The following RABL3 variants were observed in gnomAD, a reference collection of about 807,000 sequenced individuals.
RABL3 encodes rab-like protein 3.
Under a neutral mutation model 31.8 loss-of-function variants are expected in RABL3, and 31 were observed. The ratio of observed to expected loss-of-function variants is 0.97; its 90% CI spans 0.73 to 1.31. RABL3 has a LOEUF of 1.31. RABL3 is among the 40% of genes most tolerant of loss of function. The pLI, the probability that RABL3 is intolerant of heterozygous loss-of-function variation, is 0.00. For synonymous variants in RABL3, 97 were observed against 99.9 expected, an observed-to-expected ratio of 0.97 and a Z score of 0.18; for missense variants, 263 against 279.6, an observed-to-expected ratio of 0.94 and a Z score of 0.42.
At chr3:120,694,124 T>C (rs1207771559) in intron 6 of RABL3, 29 bp downstream of exon 6, 2 of 1,464,212 alleles carry the variant, frequency 1.4e-6, no homozygotes. Context: ...ATAAATTAAG[T>C]TTAAAAATAA....
At position 120,686,409 on chromosome 3, in the gene RABL3, A is replaced by C. The variant is rs1708307701; in HGVS notation, c.*3414T>G. On this transcript the variant is annotated 3_prime_UTR_variant, in exon 8 of 8. Transcript: ENST00000273375. ...ATGAGGACTCAGAAACTCTGATTAC[A>C]AGGAGCAATTAGGAGCTCTTCACCT... 6.6e-6 allele frequency among the ~76,000 whole-genome samples: 1 copy of C among 152,206 alleles called. No individual in the cohort carries two copies. The highest frequency in any genetic ancestry group is 1.5e-5 in the Non-Finnish European group (1 of 68,046).
intron 3 of RABL3, among the ~76,000 whole-genome samples, chr3:120,709,218 T>G (rs2107582518): frequency 6.6e-6 from 1 of 152,200 alleles, no homozygotes; most frequent in Non-Finnish European, 1.5e-5. Context: ...GTAGGTACTC[T>G]ATGAAAGGAA....
In RABL3 at chr3:120,690,551, G is replaced by T; in HGVS notation, c.607-64C>A. ...CCTGCAAAAAGTGGCTAACTGCAAC[G>T]ACCACTAATGGTACTAAAAGGAATA... On this transcript the variant is annotated intron_variant, in intron 6 of 7. Transcript: ENST00000273375. 4 of 1,070,738 alleles carry T rather than the reference G, an allele frequency of 3.7e-6. No homozygotes were observed. In the South Asian group the frequency reaches 5.2e-5, roughly 14 times the overall value. The allele number at this position is 1,070,738 out of a possible 1,614,324, so 66.3% of individuals were successfully genotyped here. A position where few individuals can be genotyped will look rare whatever the true frequency, so the allele number is the denominator to read the frequency against.
chr3:120,703,817 A>T (rs1376667462), intron 4 of RABL3, among the ~76,000 whole-genome samples: 1 of 152,202 alleles, frequency 6.6e-6, no homozygotes, highest in Non-Finnish European at 1.5e-5. Context: ...AATGAAATAG[A>T]TGGAATTCCT....
chr3:120,710,810 C>T (rs1375476424), intron 2 of RABL3, among the ~76,000 whole-genome samples: 1 of 152,144 alleles, frequency 6.6e-6, no homozygotes, highest in Non-Finnish European at 1.5e-5. Context: ...CTCAAGTCCT[C>T]TTCCAGCTAC....
intron 2 of RABL3, among the ~76,000 whole-genome samples, chr3:120,717,061 T>C (rs1315120611): frequency 6.6e-6 from 1 of 152,144 alleles, no homozygotes; most frequent in Non-Finnish European, 1.5e-5. Context: ...GAGACCAGCC[T>C]GGCCAACATT....
chr3:120,707,933 A>G (rs1708569889), intron 3 of RABL3, among the ~76,000 whole-genome samples: 1 of 152,092 alleles, frequency 6.6e-6, no homozygotes, highest in South Asian at 2.1e-4. Flanking sequence ...TGATATGATA[A>G]TATATCTTAA....
chr3:120,707,143 A>C (rs1463176824), intron 3 of RABL3, among the ~76,000 whole-genome samples: 5 of 152,174 alleles, frequency 3.3e-5, no homozygotes, highest in Non-Finnish European at 5.9e-5. Flanking sequence ...AAAGAAAAGC[A>C]GAAGAGGTAG....
At chr3:120,695,921 A>T (rs577229103) in intron 5 of RABL3, among the ~76,000 whole-genome samples, 1 of 152,250 alleles carries the variant, frequency 6.6e-6, no homozygotes, top group Non-Finnish European at 1.5e-5. Context: ...CTAGAGAAAC[A>T]CTATGATTTT....
intron 1 of RABL3, among the ~76,000 whole-genome samples, chr3:120,737,651 G>A (rs1032211798): frequency 4.6e-5 from 7 of 152,148 alleles, no homozygotes; most frequent in African/African-American, 1.7e-4. Context: ...CATCTTTGTG[G>A]TTTTATCTAC....
chr3:120,724,757 C>T (rs1207743801), intron 2 of RABL3, among the ~76,000 whole-genome samples: 1 of 152,098 alleles, frequency 6.6e-6, no homozygotes, highest in Non-Finnish European at 1.5e-5. Flanking sequence ...ATTTAGAAAG[C>T]TGAAACTGGA....
chr3:120,704,722 G>A (rs2107580299), intron 4 of RABL3, among the ~76,000 whole-genome samples: 1 of 152,140 alleles, frequency 6.6e-6, no homozygotes, highest in Admixed American at 6.5e-5. Context: ...TTTTATACTA[G>A]CAATGGAAAA....
chr3:120,709,872 GTCTTC>G lies in RABL3; in HGVS notation c.171_175del (p.Glu57AspfsTer42). On this transcript the variant is annotated frameshift_variant, in exon 3 of 8. Transcript: ENST00000273375. LOFTEE classifies it high-confidence loss of function. ...AACATCCCATAATTCTATGTAGTAG[GTCTTC>G]TCTTCTGGGGTTCCTTCTTTGTAAT... The G allele has an allele frequency of 6.2e-7, 1 of 1,608,272 alleles. No individual in the cohort carries two copies. Among genetic ancestry groups the G allele is most frequent in the Non-Finnish European group, 8.5e-7 (1 of 1,176,058 alleles).
chr3:120,699,529 AAC>A (rs1402771978), intron 4 of RABL3, among the ~76,000 whole-genome samples: 7 of 152,220 alleles, frequency 4.6e-5, no homozygotes, highest in African/African-American at 1.7e-4. Flanking sequence ...CTCAACTTAC[AAC>A]AGTCAGCAAA....
intron 2 of RABL3, among the ~76,000 whole-genome samples, chr3:120,723,285 A>T (rs973842442): frequency 6.6e-6 from 1 of 152,166 alleles, no homozygotes; most frequent in South Asian, 2.1e-4. Context: ...ATAACAGGCT[A>T]GGAAATTGGG....
intron 1 of RABL3, among the ~76,000 whole-genome samples, chr3:120,733,807 T>C (rs1473028784): frequency 1.3e-5 from 2 of 152,220 alleles, no homozygotes; most frequent in South Asian, 2.1e-4. Flanking sequence ...ACTTATTAAA[T>C]AGGGAATCCT....
rs536548678 is a variant in RABL3 at position 120,732,955 on chromosome 3, T to C, written c.47-2168A>G. Among the ~76,000 whole-genome samples, 8 of 152,282 alleles carry C rather than the reference T, an allele frequency of 5.3e-5. No individual in the cohort carries two copies. The South Asian group carries it at 1.7e-3, about 32-fold the overall frequency. On this transcript the variant is annotated intron_variant, in intron 1 of 7. Transcript: ENST00000273375. Reference sequence around the variant, plus strand: ...TATGTGTCACATTTTCTTAATCCAGTCTATCATTGATGGACATTTGGGTTG... The same window carrying C: ...TATGTGTCACATTTTCTTAATCCAGCCTATCATTGATGGACATTTGGGTTG...
intron 2 of RABL3, among the ~76,000 whole-genome samples, chr3:120,712,338 C>T (rs957234244): frequency 1.3e-5 from 2 of 152,144 alleles, no homozygotes; most frequent in African/African-American, 4.8e-5. Flanking sequence ...GAAGGCATCA[C>T]TATTTTGTTA....
intron 3 of RABL3, among the ~76,000 whole-genome samples, chr3:120,706,722 T>C (rs1449091854): frequency 1.3e-5 from 2 of 152,014 alleles, no homozygotes; most frequent in East Asian, 3.9e-4. Flanking sequence ...TTATGTAAGC[T>C]TCCTACCTGT....
Sources: allele counts gnomAD v4.1 joint callset (sites outside exome capture counted in the v4.1 genomes callset), GRCh38; gene constraint gnomAD v4.1.1; transcripts MANE v1.5; gene names NCBI Gene and HGNC (gene_info 2026-07-23, HGNC 2026-07-21).